Variants in COL23A1 observed in about 807,000 individuals in gnomAD.
The protein encoded by COL23A1 is collagen type XXIII alpha 1 chain, also known as collagen alpha-1(XXIII) chain.
COL23A1 carries 97 observed loss-of-function variants against 99.3 expected under a neutral mutation model. That is an observed-to-expected ratio of 0.98 (90% confidence interval 0.83 to 1.16). The LOEUF (loss-of-function observed/expected upper bound fraction) is 1.16. Among genes scored for constraint, COL23A1 ranks in the 50% most tolerant of loss-of-function variants. The pLI is 0.00. For missense variants in COL23A1, 762 were observed against 757.4 expected (o/e 1.01, Z -0.07); for synonymous variants, 320 against 308.2 (o/e 1.04, Z -0.40).
chr5:178,397,397 T>C (rs1287637709), intron 2 of COL23A1, among the ~76,000 whole-genome samples: 1 of 152,162 alleles, frequency 6.6e-6, no homozygotes, highest in African/African-American at 2.4e-5. Context: ...ATCAGACATA[T>C]GTTTCGGGGG....
rs1450332725 is a variant in COL23A1, at chr5:178,358,441, A to T, written c.362-51522T>A. ...TATGTGTGTGTATGTGTATGTGTGTATGTGTGTATATGTATGCGTATGTGT... is the reference window on the plus strand; with the variant it reads ...TATGTGTGTGTATGTGTATGTGTGTTTGTGTGTATATGTATGCGTATGTGT... On this transcript the variant is annotated intron_variant, in intron 2 of 28. Transcript: ENST00000390654. Among the ~76,000 whole-genome samples, 7 of 131,880 alleles carry T rather than the reference A, an allele frequency of 5.3e-5. 1 individual carries two copies. In the South Asian group the frequency reaches 7.4e-4, roughly 14 times the overall value. The allele number at this position is 131,880 out of a possible 152,430, so 86.5% of individuals were successfully genotyped here.
At chr5:178,305,851 G>A (rs1025191497) in intron 3 of COL23A1, among the ~76,000 whole-genome samples, 6 of 152,162 alleles carry the variant, frequency 3.9e-5, no homozygotes, top group African/African-American at 7.2e-5. Context: ...GGGACTTGGC[G>A]TGGGCAGGGA....
intron 2 of COL23A1, among the ~76,000 whole-genome samples, chr5:178,424,111 C>T (rs73803092): frequency 0.013 from 1,953 of 152,252 alleles, 42 homozygotes; most frequent in African/African-American, 0.044. Context: ...GGAAGTAACG[C>T]GCTTGCTCCC....
In COL23A1 at chr5:178,310,818, T is replaced by G. The variant is rs902419939; in HGVS notation, c.362-3899A>C. On this transcript the variant is annotated intron_variant, in intron 2 of 28. Coordinates refer to ENST00000390654, the MANE Select transcript of COL23A1 (RefSeq NM_173465.4). The surrounding 1 kb of genome is among the most constrained non-coding windows in gnomAD (Gnocchi z 4.3). ...AAAACCAGGCCTTTGGCCAGGTGGT[T>G]GGCCTCAGAGTTTTTGCTTGTTTCT... 6.6e-6 allele frequency among the ~76,000 whole-genome samples: 1 copy of G among 152,134 alleles called. No individual in the cohort carries two copies. The highest frequency in any genetic ancestry group is 1.5e-5 in the Non-Finnish European group (1 of 68,028).
rs558352134 is a variant in COL23A1 at position 178,379,850 on chromosome 5, CAGCCTGGGCAACA to C, written c.362-72944_362-72932del. On this transcript the variant is annotated intron_variant, in intron 2 of 28. Transcript: ENST00000390654. Reference sequence around the variant, plus strand: ...GAGCAGAGGTCACGCCATTGCACTCCAGCCTGGGCAACAAGAGCGAAACTCCATCTCAAAAAAA... The same window carrying C: ...GAGCAGAGGTCACGCCATTGCACTCCAGAGCGAAACTCCATCTCAAAAAAA... Among the ~76,000 whole-genome samples the C allele has an allele frequency of 3.3e-3, 494 of 148,966 alleles. 3 individuals carry two copies. Among genetic ancestry groups the C allele is most frequent in the African/African-American group, 0.012 (475 of 40,444 alleles).
Position 178,255,709 on chromosome 5 carries a change from C to G in COL23A1, c.882+644G>C. The stretch of plus-strand genomic sequence containing the variant: ...CTTGGGCCTCATTTGCCAGCCCTCC[C>G]CCGTCCCCAGTCACAGCCTGCCCAG... On this transcript the variant is annotated intron_variant, in intron 15 of 28. Coordinates refer to ENST00000390654, the MANE Select transcript of COL23A1 (RefSeq NM_173465.4). This position sits in a 1 kb window ranked among gnomAD's most constrained non-coding sequence, Gnocchi z 4.2. The G allele has an allele frequency of 4.6e-6, 1 of 219,338 alleles. No individual in the cohort carries two copies. Among genetic ancestry groups the G allele is most frequent in the South Asian group, 4.5e-5 (1 of 22,090 alleles). The allele number at this position is 219,338 out of a possible 1,614,324, so 13.6% of individuals were successfully genotyped here.
intron 2 of COL23A1, among the ~76,000 whole-genome samples, chr5:178,548,881 A>G (rs1238502872): frequency 6.6e-6 from 1 of 152,254 alleles, no homozygotes; most frequent in Non-Finnish European, 1.5e-5. Context: ...ATAAATGTCT[A>G]TCAGCAGCAG....
chr5:178,405,304 CATGTTTCA>C (rs1204454395), intron 2 of COL23A1, among the ~76,000 whole-genome samples: 1 of 152,268 alleles, frequency 6.6e-6, no homozygotes, highest in African/African-American at 2.4e-5. Context: ...TAAGTTGTTA[CATGTTTCA>C]ACACTTCTGA....
At chr5:178,334,800 G>A (rs917506542) in intron 2 of COL23A1, among the ~76,000 whole-genome samples, 3 of 152,212 alleles carry the variant, frequency 2.0e-5, no homozygotes, top group Non-Finnish European at 2.9e-5. Context: ...CCAAGTCTTA[G>A]GAGGTGGGAA....
In COL23A1 at chr5:178,295,134, G is replaced by A. The variant is rs113780359; in HGVS notation, c.407-4765C>T. 8.1e-3 allele frequency among the ~76,000 whole-genome samples: 1,234 copies of A among 152,080 alleles called. 17 individuals carry two copies. Among genetic ancestry groups the A allele is most frequent in the African/African-American group, 0.028 (1,170 of 41,448 alleles). On this transcript the variant is annotated intron_variant, in intron 3 of 28. Coordinates refer to ENST00000390654, the MANE Select transcript of COL23A1 (RefSeq NM_173465.4). ...TGGGAGGCAGAGGTTGCAGTGGGCCGAGATCACACCACTGCACCCCGGCCT... is the reference window on the plus strand; with the variant it reads ...TGGGAGGCAGAGGTTGCAGTGGGCCAAGATCACACCACTGCACCCCGGCCT...
chr5:178,330,656 GAA>G lies in COL23A1; in HGVS notation c.362-23739_362-23738del, dbSNP rs70994998. Among the ~76,000 whole-genome samples the G allele has an allele frequency of 4.5e-3, 626 of 140,242 alleles. 3 individuals are homozygous for G. The highest frequency in any genetic ancestry group is 4.8e-3 in the Non-Finnish European group (309 of 64,116). The allele number at this position is 140,242 out of a possible 152,430, so 92.0% of individuals were successfully genotyped here. A position where few individuals can be genotyped will look rare whatever the true frequency, so the allele number is the denominator to read the frequency against. On this transcript the variant is annotated intron_variant, in intron 2 of 28. Coordinates refer to ENST00000390654, the MANE Select transcript of COL23A1 (RefSeq NM_173465.4). Reference sequence around the variant, plus strand: ...GTGACAGAGTGAGACCCTCTCTCAAGAAAAAAAAAAAAAAAGATCCAGCCACC... The same window carrying G: ...GTGACAGAGTGAGACCCTCTCTCAAGAAAAAAAAAAAAAGATCCAGCCACC...
chr5:178,376,299 T>C (rs1046928804), intron 2 of COL23A1, among the ~76,000 whole-genome samples: 1 of 152,232 alleles, frequency 6.6e-6, no homozygotes, highest in Non-Finnish European at 1.5e-5. Context: ...CTGCTATTGG[T>C]TGGTGCTCGG....
At chr5:178,423,487 T>C (rs570073222) in intron 2 of COL23A1, among the ~76,000 whole-genome samples, 1 of 152,288 alleles carries the variant, frequency 6.6e-6, no homozygotes, top group South Asian at 2.1e-4. Context: ...CCAGATGAAT[T>C]TGCCCAGCGT....
intron 3 of COL23A1, among the ~76,000 whole-genome samples, chr5:178,298,953 CAAT>C (rs1210826652): frequency 1.3e-5 from 2 of 152,218 alleles, no homozygotes; most frequent in Non-Finnish European, 2.9e-5. Flanking sequence ...ATCTCTTATT[CAAT>C]AATATGATGT....
chr5:178,255,136 G>C lies in COL23A1; in HGVS notation c.883-110C>G, dbSNP rs535775696. Reference sequence around the variant, plus strand: ...AGAGAGAAAGCAATGGAAGAGCCTCGTCACCCAGGCTGCACGCATGCCCCT... The same window carrying C: ...AGAGAGAAAGCAATGGAAGAGCCTCCTCACCCAGGCTGCACGCATGCCCCT... On this transcript the variant is annotated intron_variant, in intron 15 of 28. Transcript: ENST00000390654. This position sits in a 1 kb window ranked among gnomAD's most constrained non-coding sequence, Gnocchi z 4.2. The C allele has an allele frequency of 1.1e-6, 1 of 918,472 alleles. No individual in the cohort carries two copies. The highest frequency in any genetic ancestry group is 1.8e-6 in the Non-Finnish European group (1 of 570,584). The allele number at this position is 918,472 out of a possible 1,614,324, so 56.9% of individuals were successfully genotyped here. A position where few individuals can be genotyped will look rare whatever the true frequency, so the allele number is the denominator to read the frequency against.
intron 5 of COL23A1, among the ~76,000 whole-genome samples, chr5:178,275,278 T>A (rs1372447522): frequency 6.6e-6 from 1 of 152,166 alleles, no homozygotes. Flanking sequence ...AGACACTGGA[T>A]TAGGGTTTGC....
intron 2 of COL23A1, among the ~76,000 whole-genome samples, chr5:178,446,742 G>T (rs1294763014): frequency 6.6e-6 from 1 of 152,060 alleles, no homozygotes; most frequent in Non-Finnish European, 1.5e-5. Context: ...AAGAAATACA[G>T]TTCAAAATAC....
chr5:178,386,965 A>G (rs915569415), intron 2 of COL23A1, among the ~76,000 whole-genome samples: 5 of 152,136 alleles, frequency 3.3e-5, no homozygotes, highest in Admixed American at 6.5e-5. Context: ...TTGCACTATT[A>G]GGATGGGTGC....
intron 2 of COL23A1, among the ~76,000 whole-genome samples, chr5:178,342,002 T>A (rs570704120): frequency 4.6e-5 from 7 of 152,312 alleles, no homozygotes; most frequent in African/African-American, 1.4e-4. Flanking sequence ...CCTTCGGACC[T>A]GTGAAACCCT....
Sources: allele counts gnomAD v4.1 joint callset (sites outside exome capture counted in the v4.1 genomes callset), GRCh38; gene constraint gnomAD v4.1.1; non-coding constraint Gnocchi (gnomAD v3.1); transcripts MANE v1.5; gene names NCBI Gene and HGNC (gene_info 2026-07-23, HGNC 2026-07-21).